MAPKAP1: variants seen among roughly 807,000 people sequenced by gnomAD.
MAPKAP1 encodes MAPK associated protein 1.
MAPKAP1 carries 20 observed loss-of-function variants against 65.7 expected under a neutral mutation model. That is an observed-to-expected ratio of 0.30 (90% confidence interval 0.21 to 0.44). The LOEUF (loss-of-function observed/expected upper bound fraction) is 0.44, where lower values mean the gene tolerates loss of function less well. Ranked by LOEUF, MAPKAP1 falls within the 20% of genes least tolerant of loss-of-function variation. The pLI is 1.00. For synonymous variants in MAPKAP1, 222 were observed against 244.3 expected, an observed-to-expected ratio of 0.91 and a Z score of 0.85; for missense variants, 423 against 648.0, an observed-to-expected ratio of 0.65 and a Z score of 3.77.
At chr9:125,459,521 C>A (rs1853376524) in intron 10 of MAPKAP1, among the ~76,000 whole-genome samples, 1 of 152,090 alleles carries the variant, frequency 6.6e-6, no homozygotes, top group Admixed American at 6.5e-5. Flanking sequence ...CCAGCCTGGG[C>A]ACCATTGAGC....
intron 4 of MAPKAP1, among the ~76,000 whole-genome samples, chr9:125,625,285 GGAGA>G (rs1833084381): frequency 7.2e-6 from 1 of 139,366 alleles, no homozygotes; most frequent in Non-Finnish European, 1.5e-5. Context: ...AAAAAACAAG[GGAGA>G]GAATTTACAT....
At chr9:125,556,611 T>G (rs75627549) in intron 6 of MAPKAP1, among the ~76,000 whole-genome samples, 2,523 of 152,312 alleles carry the variant, frequency 0.017, 106 homozygotes, top group East Asian at 0.12. Flanking sequence ...TGTTTCAGCT[T>G]AGTGTCTTCC....
At chr9:125,511,673 C>A (rs1040801269) in intron 7 of MAPKAP1, among the ~76,000 whole-genome samples, 9 of 152,254 alleles carry the variant, frequency 5.9e-5, no homozygotes, top group African/African-American at 1.7e-4. Context: ...ACTGTGAGGT[C>A]AATTTCTATG....
chr9:125,525,607 A>G (rs2133124854), intron 7 of MAPKAP1, among the ~76,000 whole-genome samples: 1 of 152,080 alleles, frequency 6.6e-6, no homozygotes, highest in Admixed American at 6.6e-5. Flanking sequence ...TGGGAGGCGG[A>G]GGTTGTGGTG....
chr9:125,629,691 AACGTAC>A (rs1833219259), intron 4 of MAPKAP1, among the ~76,000 whole-genome samples: 1 of 152,240 alleles, frequency 6.6e-6, no homozygotes, highest in African/African-American at 2.4e-5. Flanking sequence ...TGTTGACAGC[AACGTAC>A]ATATAGTTAC....
At chr9:125,624,259 C>T (rs1350061593) in intron 4 of MAPKAP1, among the ~76,000 whole-genome samples, 42 of 17,526 alleles carry the variant, frequency 2.4e-3, no homozygotes, top group African/African-American at 3.9e-3. Flanking sequence ...AGGTGAGGGG[C>T]GCCTCTGCCC....
At chr9:125,441,169 T>TCA (rs1852467074) in intron 11 of MAPKAP1, among the ~76,000 whole-genome samples, 1 of 152,202 alleles carries the variant, frequency 6.6e-6, no homozygotes, top group Non-Finnish European at 1.5e-5. Flanking sequence ...TAGGGAGTTT[T>TCA]CATGGTCAAT....
intron 4 of MAPKAP1, among the ~76,000 whole-genome samples, chr9:125,654,489 C>G (rs1428524185): frequency 2.6e-5 from 4 of 152,140 alleles, no homozygotes; most frequent in Non-Finnish European, 5.9e-5. Context: ...AGAGCATCAC[C>G]AATTTGCTAA....
At chr9:125,440,978 A>C (rs1451921371) in intron 11 of MAPKAP1, among the ~76,000 whole-genome samples, 2 of 152,250 alleles carry the variant, frequency 1.3e-5, no homozygotes, top group Non-Finnish European at 2.9e-5. Flanking sequence ...TATTATCTTC[A>C]GTGCTTTGTG....
In MAPKAP1 at chr9:125,438,872, G is replaced by A. The variant is rs62620194; in HGVS notation, c.*15C>T. On this transcript the variant is annotated 3_prime_UTR_variant, in exon 12 of 12. Transcript: ENST00000265960. ...GGCTCTGAGCTACGGAACAGATTGA[G>A]GCTGGAGGCCAGTGTCACTGCTGCC... is the stretch of plus-strand genomic sequence containing the variant. 9.1e-4 allele frequency: 1,475 copies of A among 1,614,116 alleles called. 10 individuals are homozygous for A. In the African/African-American group the frequency reaches 0.017, roughly 19 times the overall value.
In MAPKAP1 at chr9:125,598,139, T is replaced by C. The variant is rs549309350; in HGVS notation, c.499-12412A>G. On this transcript the variant is annotated intron_variant, in intron 4 of 11. Coordinates refer to ENST00000265960, the MANE Select transcript of MAPKAP1 (RefSeq NM_001006617.3). ...TGATCTTAATAAAATTCTGGCTTTA[T>C]GGACTCACAAAAAGAACTTTTTTTT... Among the ~76,000 whole-genome samples, 37 of 152,132 alleles carry C rather than the reference T, an allele frequency of 2.4e-4. 1 individual carries two copies. The highest frequency in any genetic ancestry group is 1.8e-3 in the Admixed American group (28 of 15,290).
chr9:125,586,833 A>C (rs981133529), intron 4 of MAPKAP1, among the ~76,000 whole-genome samples: 4 of 151,528 alleles, frequency 2.6e-5, no homozygotes, highest in African/African-American at 9.7e-5. Flanking sequence ...ATTGTCCCTC[A>C]CTCCCTCCTA....
intron 11 of MAPKAP1, among the ~76,000 whole-genome samples, chr9:125,441,044 C>G (rs530130364): frequency 3.3e-5 from 5 of 152,140 alleles, no homozygotes; most frequent in Non-Finnish European, 7.4e-5. Flanking sequence ...AAGATAAAAA[C>G]GCCCTTTGCT....
intron 6 of MAPKAP1, among the ~76,000 whole-genome samples, chr9:125,552,945 T>C (rs888237992): frequency 2.0e-5 from 3 of 152,112 alleles, no homozygotes; most frequent in African/African-American, 7.2e-5. Flanking sequence ...GAAAAGCATA[T>C]AGAGATGTAT....
At chr9:125,535,857 T>A (rs1830060239) in intron 7 of MAPKAP1, among the ~76,000 whole-genome samples, 1 of 152,140 alleles carries the variant, frequency 6.6e-6, no homozygotes, top group Non-Finnish European at 1.5e-5. Flanking sequence ...TGTGTGTGTG[T>A]CTCCCATACC....
In MAPKAP1 at chr9:125,653,255, A is replaced by G. The variant is rs574188704; in HGVS notation, c.498+4396T>C. Among the ~76,000 whole-genome samples the G allele has an allele frequency of 3.9e-5, 6 of 152,316 alleles. 1 individual carries two copies. In the South Asian group the frequency reaches 1.2e-3, roughly 32 times the overall value. ...CAGAGTAACAAAAGACAAGCACACAAATTTATTTAACCGAAATTTTACATG... is the reference window on the plus strand; with the variant it reads ...CAGAGTAACAAAAGACAAGCACACAGATTTATTTAACCGAAATTTTACATG... On this transcript the variant is annotated intron_variant, in intron 4 of 11. Transcript: ENST00000265960.
intron 4 of MAPKAP1, among the ~76,000 whole-genome samples, chr9:125,653,254 A>C (rs1054934927): frequency 2.6e-5 from 4 of 152,220 alleles, no homozygotes; most frequent in Non-Finnish European, 1.5e-5. Context: ...ACAAGCACAC[A>C]AATTTATTTA....
At chr9:125,692,100 C>T (rs1320508961) in intron 1 of MAPKAP1, among the ~76,000 whole-genome samples, 1 of 152,196 alleles carries the variant, frequency 6.6e-6, no homozygotes, top group Non-Finnish European at 1.5e-5. Context: ...TGAAAAACAG[C>T]CTGGCAGTTT....
chr9:125,632,225 G>GGAAAAA (rs1833304784), intron 4 of MAPKAP1, among the ~76,000 whole-genome samples: 1 of 143,350 alleles, frequency 7.0e-6, no homozygotes, highest in Non-Finnish European at 1.5e-5. Flanking sequence ...CCGTCTCAAA[G>GGAAAAA]AAAAAAAAAA....
Sources: allele counts gnomAD v4.1 joint callset (sites outside exome capture counted in the v4.1 genomes callset), GRCh38; gene constraint gnomAD v4.1.1; transcripts MANE v1.5; gene names NCBI Gene and HGNC (gene_info 2026-07-23, HGNC 2026-07-21).